DLC1: variants seen among roughly 807,000 people sequenced by gnomAD.
The protein encoded by DLC1 is DLC1 Rho GTPase activating protein.
A neutral mutation model predicts 140.3 loss-of-function variants in DLC1; 54 were observed. The observed-to-expected ratio is 0.38, with a 90% confidence interval of 0.31 to 0.48. The LOEUF is 0.48. DLC1 is among the 20% of genes least tolerant of loss of function. The pLI is 0.96. For missense variants in DLC1, 2,536 were observed against 1,907.0 expected (o/e 1.33, Z -6.14); for synonymous variants, 986 against 728.1 (o/e 1.35, Z -5.70).
At chr8:13,524,546 G>A (rs968256932) in intron 1 of DLC1, among the ~76,000 whole-genome samples, 6 of 152,076 alleles carry the variant, frequency 3.9e-5, no homozygotes, top group African/African-American at 1.4e-4. Context: ...TTACAATTTG[G>A]CACATAGTCA....
At chr8:13,134,191 T>C (rs1427637513) in intron 5 of DLC1, among the ~76,000 whole-genome samples, 1 of 152,236 alleles carries the variant, frequency 6.6e-6, no homozygotes, top group Non-Finnish European at 1.5e-5. Flanking sequence ...CAGCTAAATA[T>C]AGTTGCATTA....
intron 1 of DLC1, among the ~76,000 whole-genome samples, chr8:13,531,238 A>G (rs965821509): frequency 6.6e-6 from 1 of 152,238 alleles, no homozygotes; most frequent in Non-Finnish European, 1.5e-5. Flanking sequence ...AATTTGCTAT[A>G]GCAGCCTGAA....
At chr8:13,429,585 T>G (rs1277315561) in intron 2 of DLC1, among the ~76,000 whole-genome samples, 1 of 152,134 alleles carries the variant, frequency 6.6e-6, no homozygotes, top group Admixed American at 6.5e-5. Context: ...TTCCTAGCAG[T>G]GAAAGCAAAA....
chr8:13,201,335 T>A (rs1369297583), intron 5 of DLC1, among the ~76,000 whole-genome samples: 3 of 152,164 alleles, frequency 2.0e-5, no homozygotes, highest in African/African-American at 7.2e-5. Flanking sequence ...ATAATAAAAA[T>A]TAAAATATTC....
chr8:13,153,684 A>C (rs1223188023), intron 5 of DLC1, among the ~76,000 whole-genome samples: 1 of 152,136 alleles, frequency 6.6e-6, no homozygotes. Flanking sequence ...ACCATCCTTT[A>C]GCTAGAGGTA....
In DLC1 at chr8:13,099,803, C is replaced by A; in HGVS notation, c.2534G>T (p.Gly845Val). 6.2e-7 allele frequency: 1 copy of A among 1,614,166 alleles called. No homozygotes were observed. Among genetic ancestry groups the A allele is most frequent in the Non-Finnish European group, 8.5e-7 (1 of 1,180,044 alleles). The stretch of plus-strand genomic sequence containing the variant: ...CCTCCTGAGGCTGATGTGGCCAGGG[C>A]CGTGGAAGCTTCCCGTCCTCCAGTT... ...SVNWRTGSFH[G>V]PGHISLRREN... Residue 845 changes from glycine (G) to valine (V), a missense_variant, in exon 9 of 18, where the codon GGC becomes GTC. Gly to Val is a moderately radical substitution (Grantham distance 109). Coordinates refer to ENST00000276297, the MANE Select transcript of DLC1 (RefSeq NM_182643.3).
chr8:13,264,933 C>G (rs1046354071), intron 5 of DLC1, among the ~76,000 whole-genome samples: 1 of 152,210 alleles, frequency 6.6e-6, no homozygotes, highest in Admixed American at 6.5e-5. Flanking sequence ...ACAGCAACAT[C>G]ACCTTCACTT....
chr8:13,538,411 A>G (rs1250233963), intron 1 of DLC1, among the ~76,000 whole-genome samples: 1 of 151,608 alleles, frequency 6.6e-6, no homozygotes, highest in Non-Finnish European at 1.5e-5. Flanking sequence ...ATCTGGTGAG[A>G]CTGTATTCTT....
intron 1 of DLC1, among the ~76,000 whole-genome samples, chr8:13,543,471 C>T (rs926153496): frequency 6.6e-6 from 1 of 152,070 alleles, no homozygotes; most frequent in African/African-American, 2.4e-5. Flanking sequence ...AATTGTAGAT[C>T]TATTTTTAGT....
intron 2 of DLC1, among the ~76,000 whole-genome samples, chr8:13,487,956 G>A (rs796448989): frequency 1.3e-5 from 2 of 152,236 alleles, no homozygotes; most frequent in African/African-American, 4.8e-5. Context: ...TTTCTTGCCT[G>A]CTTTACACTC....
chr8:13,487,994 C>A (rs1801048084), intron 2 of DLC1, among the ~76,000 whole-genome samples: 1 of 152,170 alleles, frequency 6.6e-6, no homozygotes, highest in African/African-American at 2.4e-5. Context: ...GGGACCTCTT[C>A]AAAGTGATAC....
intron 1 of DLC1, among the ~76,000 whole-genome samples, chr8:13,506,540 CAT>C (rs1274880980): frequency 1.6e-4 from 22 of 141,204 alleles, no homozygotes; most frequent in Admixed American, 4.7e-4. Context: ...CATACACACA[CAT>C]GGACACACAC....
chr8:13,092,859 G>C (rs780209840), intron 12 of DLC1, 34 bp from the exon 13 acceptor site: 4 of 1,595,268 alleles, frequency 2.5e-6, no homozygotes, highest in Non-Finnish European at 2.6e-6. Flanking sequence ...CATCAGCTTG[G>C]TGAATTTGCA....
chr8:13,321,377 A>C (rs1202216497), intron 4 of DLC1, among the ~76,000 whole-genome samples: 1 of 151,856 alleles, frequency 6.6e-6, no homozygotes, highest in East Asian at 1.9e-4. Context: ...ATCTCTACTA[A>C]AAATGCAAAA....
In DLC1 at chr8:13,109,246, G is replaced by A. The variant is rs144627796; in HGVS notation, c.1502+1496C>T. ...ATACTGGGTGTCATTCTACCTTCAT[G>A]ATGTTTTTCCAAGTTGAAAAAAATA... On this transcript the variant is annotated intron_variant, in intron 7 of 17. Coordinates refer to ENST00000276297, the MANE Select transcript of DLC1 (RefSeq NM_182643.3). 5.3e-4 allele frequency among the ~76,000 whole-genome samples: 80 copies of A among 152,064 alleles called. 1 individual carries two copies. The Middle Eastern group carries it at 0.01, about 19-fold the overall frequency.
At chr8:13,181,796 T>C (rs532815870) in intron 5 of DLC1, among the ~76,000 whole-genome samples, 1 of 152,330 alleles carries the variant, frequency 6.6e-6, no homozygotes, top group Non-Finnish European at 1.5e-5. Context: ...GCAATAAACA[T>C]ACATGTACAT....
At chr8:13,559,780 A>G (rs1004055117) in intron 1 of DLC1, among the ~76,000 whole-genome samples, 6 of 152,198 alleles carry the variant, frequency 3.9e-5, no homozygotes, top group African/African-American at 1.2e-4. Flanking sequence ...AATTAATGGC[A>G]CATTTCTGTG....
At chr8:13,272,770 A>T (rs1034588641) in intron 5 of DLC1, among the ~76,000 whole-genome samples, 2 of 152,170 alleles carry the variant, frequency 1.3e-5, no homozygotes, top group African/African-American at 4.8e-5. Flanking sequence ...GCTGCTCGGG[A>T]GGCTGAGGCA....
chr8:13,512,983 TTTA>T (rs1383629513), intron 1 of DLC1, among the ~76,000 whole-genome samples: 43 of 88,420 alleles, frequency 4.9e-4, no homozygotes, highest in African/African-American at 1.3e-3. Flanking sequence ...TTTTTTTTTT[TTTA>T]AATTAGAGGA....
Sources: gnomAD v4.1 joint callset for allele counts (sites outside exome capture counted in the v4.1 genomes callset) on GRCh38, gnomAD v4.1.1 for gene constraint, MANE v1.5 for transcripts, NCBI Gene and HGNC (gene_info 2026-07-23, HGNC 2026-07-21) for gene names.